The following NPIPB4 variants were observed in gnomAD, a reference collection of about 807,000 sequenced individuals.
The protein encoded by NPIPB4 is nuclear pore complex interacting protein family member B4.
For missense variants in NPIPB4, 105 were observed against 513.7 expected, an observed-to-expected ratio of 0.20 and a Z score of 7.69; for synonymous variants, 31 against 194.1, an observed-to-expected ratio of 0.16 and a Z score of 6.99.
rs564761750 is a variant in NPIPB4, at chr16:21,840,474, G to A, written c.546-1164C>T. Reference sequence around the variant, plus strand: ...ATGCACACACATGATCCACCAGCCCGTGTGGGATTCCCTCTGCCCTTCTGG... The same window carrying A: ...ATGCACACACATGATCCACCAGCCCATGTGGGATTCCCTCTGCCCTTCTGG... On this transcript the variant is annotated intron_variant, in intron 5 of 7. Transcript: ENST00000682606. 6.1e-4 allele frequency among the ~76,000 whole-genome samples: 91 copies of A among 149,170 alleles called. 2 individuals are homozygous for A. Among genetic ancestry groups the A allele is most frequent in the South Asian group, 3.7e-3 (17 of 4,610 alleles).
At chr16:21,850,518 C>G (rs1478131121) in intron 2 of NPIPB4, among the ~76,000 whole-genome samples, 1 of 151,528 alleles carries the variant, frequency 6.6e-6, no homozygotes, top group African/African-American at 2.4e-5. Context: ...GCGTGGTGGT[C>G]TACTAAAAAT....
At chr16:21,851,276 GA>G in intron 2 of NPIPB4, 1 of 235,248 alleles carries the variant, frequency 4.3e-6, no homozygotes, top group South Asian at 3.9e-5. Context: ...AGGGGGAGGG[GA>G]GGGGGAGGGG....
chr16:21,836,523 C>T lies in NPIPB4; in HGVS notation c.1864G>A (p.Ala622Thr), dbSNP rs1457750430. 1.4e-6 allele frequency: 2 copies of T among 1,411,286 alleles called. No individual in the cohort carries two copies. Among genetic ancestry groups the T allele is most frequent in the Non-Finnish European group, 9.3e-7 (1 of 1,076,152 alleles). 87.4% of individuals were successfully genotyped at this position (1,411,286 alleles called of 1,614,324 possible). The change falls in exon 8 of 8, where the codon GCC becomes ACC. Residue 622 changes from alanine to threonine, a missense_variant. Physicochemically the swap from Ala to Thr is moderately conservative, Grantham distance 58. Transcript: ENST00000682606. ...ATTATCATCCGCTGAGGGTGGAAGGCAGGTGTCTTGATGTTATCATCTGCT... is the reference window on the plus strand; with the variant it reads ...ATTATCATCCGCTGAGGGTGGAAGGTAGGTGTCTTGATGTTATCATCTGCT... ...PSADDNIKTP[A>T]FHPQRMIISR...
chr16:21,843,119 T>C (rs1597913645), intron 5 of NPIPB4, among the ~76,000 whole-genome samples: 1 of 106,934 alleles, frequency 9.4e-6, no homozygotes, highest in African/African-American at 3.6e-5. Flanking sequence ...CAAAGCTCCA[T>C]CTCAGGAAAA....
At chr16:21,839,979 G>C in intron 5 of NPIPB4, 1 of 13,050 alleles carries the variant, frequency 7.7e-5, no homozygotes, top group South Asian at 6.3e-4. Flanking sequence ...TTATAAACAG[G>C]CATAGTCCTT....
At chr16:21,843,189 GA>G (rs1901962088) in intron 5 of NPIPB4, among the ~76,000 whole-genome samples, 196 bp downstream of exon 5, 1 of 127,812 alleles carries the variant, frequency 7.8e-6, no homozygotes, top group African/African-American at 2.9e-5. Flanking sequence ...CTCTTCCTCC[GA>G]AAAAATGAAA....
chr16:21,850,087 C>A (rs1033303370), intron 2 of NPIPB4, among the ~76,000 whole-genome samples: 2 of 97,764 alleles, frequency 2.0e-5, no homozygotes, highest in African/African-American at 3.5e-5. Flanking sequence ...CATGGAGAAA[C>A]CCTATCTCTA....
At chr16:21,840,691 T>C (rs1901693355) in intron 5 of NPIPB4, 1 of 450,198 alleles carries the variant, frequency 2.2e-6, no homozygotes, top group Non-Finnish European at 2.9e-6. Context: ...TATTCTTTAG[T>C]AAATATAAAG....
At chr16:21,850,669 CTA>C (rs1902447307) in intron 2 of NPIPB4, among the ~76,000 whole-genome samples, 1 of 2,036 alleles carries the variant, frequency 4.9e-4, no homozygotes, top group African/African-American at 4.7e-3. Flanking sequence ...GAGACTCTGT[CTA>C]AAAAAAAAAA....
In NPIPB4 at chr16:21,846,015, A is replaced by G. The variant is rs941277381; in HGVS notation, c.249+1398T>C. 3.6e-5 allele frequency among the ~76,000 whole-genome samples: 5 copies of G among 138,484 alleles called. 1 individual carries two copies. The highest frequency in any genetic ancestry group is 7.7e-5 in the Non-Finnish European group (5 of 65,324). The allele number at this position is 138,484 out of a possible 152,430, so 90.9% of individuals were successfully genotyped here. On this transcript the variant is annotated intron_variant, in intron 3 of 7. Transcript: ENST00000682606. ...CATGGTAAAACCCCGACTCTACTAA[A>G]AATACAAAAATTAGCTGGGCATGGT...
At chr16:21,840,479 G>C (rs1218416898) in intron 5 of NPIPB4, among the ~76,000 whole-genome samples, 2 of 149,176 alleles carry the variant, frequency 1.3e-5, no homozygotes, top group Non-Finnish European at 3.0e-5. Context: ...AGCCCGTGTG[G>C]GATTCCCTCT....
At chr16:21,847,046 CAG>C (rs1902137089) in intron 3 of NPIPB4, among the ~76,000 whole-genome samples, 1 of 1,720 alleles carries the variant, frequency 5.8e-4, no homozygotes, top group East Asian at 3.8e-3. Flanking sequence ...AGTGAATCTT[CAG>C]AGAGGAGATT....
chr16:21,848,192 TTTTTTG>T lies in NPIPB4; in HGVS notation c.121-657_121-652del, dbSNP rs1372151313. Among the ~76,000 whole-genome samples the T allele has an allele frequency of 9.3e-5, 13 of 139,384 alleles. No individual in the cohort carries two copies. In the South Asian group the frequency reaches 1.0e-3, roughly 11 times the overall value. The allele number at this position is 139,384 out of a possible 152,430, so 91.4% of individuals were successfully genotyped here. ...GGTGTGAGCCACCGTGCCCAGCCAT[TTTTTTG>T]TTTTTGTTTTTGTTTGTTGTTTTTG... On this transcript the variant is annotated intron_variant, in intron 2 of 7. Coordinates refer to ENST00000682606, the MANE Select transcript of NPIPB4 (RefSeq NM_001384980.1).
Position 21,836,568 on chromosome 16 carries a change from G to A in NPIPB4, c.1819C>T (p.Pro607Ser), listed in dbSNP as rs549560857. ...TCTGCTGAGGGTGGAGCTGAGGGTG[G>A]AAGGGGAGTGAGCTGACGCTCGGAA... ...TPSERQLTPLPPSAPPSADDN... is the reference protein window; with the variant it reads ...TPSERQLTPLSPSAPPSADDN... The change falls in exon 8 of 8, where the codon CCA becomes TCA. Residue 607 changes from proline to serine, a missense_variant. Transcript: ENST00000682606. The A allele has an allele frequency of 3.1e-6, 4 of 1,276,700 alleles. No individual in the cohort carries two copies. In the Admixed American group the frequency reaches 6.9e-5, roughly 22 times the overall value. 79.1% of individuals were successfully genotyped at this position (1,276,700 alleles called of 1,614,324 possible).
chr16:21,837,335 G>T lies in NPIPB4; in HGVS notation c.1052C>A (p.Pro351Gln). The T allele has an allele frequency of 5.3e-6, 7 of 1,331,790 alleles. 2 individuals carry two copies. Among genetic ancestry groups the T allele is most frequent in the Non-Finnish European group, 6.6e-6 (7 of 1,059,928 alleles). 82.5% of individuals were successfully genotyped at this position (1,331,790 alleles called of 1,614,324 possible). ...TPPECLLTPL[P>Q]PSALPSAPPS... The stretch of plus-strand genomic sequence containing the variant: ...TGGAGCTGAGGGTAGAGCTGAGGGT[G>T]GAAGGGGAGTGAGCAGACACTCGGG... The change falls in exon 8 of 8, where the codon CCA (proline) becomes CAA (glutamine). Residue 351 changes from proline (P) to glutamine (Q), a missense_variant. Pro to Gln is a moderately conservative substitution (Grantham distance 76, BLOSUM62 -1). Coordinates refer to ENST00000682606, the MANE Select transcript of NPIPB4 (RefSeq NM_001384980.1).
chr16:21,842,009 G>T (rs972191403), intron 5 of NPIPB4, among the ~76,000 whole-genome samples: 1 of 151,546 alleles, frequency 6.6e-6, no homozygotes, highest in African/African-American at 2.4e-5. Flanking sequence ...CTGCACCGAC[G>T]ACTTCAATTG....
At chr16:21,850,677 A>G (rs1902450348) in intron 2 of NPIPB4, among the ~76,000 whole-genome samples, 2 of 119,680 alleles carry the variant, frequency 1.7e-5, no homozygotes, top group Non-Finnish European at 3.4e-5. Flanking sequence ...GTCTAAAAAA[A>G]AAAAAAAAAA....
At position 21,836,466 on chromosome 16, in the gene NPIPB4, G is replaced by A. The variant is rs775478686; in HGVS notation, c.1921C>T (p.Pro641Ser). The change falls in exon 8 of 8, where the codon CCC becomes TCC. Residue 641 changes from proline to serine, a missense_variant. By Grantham distance (74) the Pro-to-Ser change is moderately conservative. Transcript: ENST00000682606. ...SRHLPSVSSL[P>S]FHPQLHPQQM... ...TGAGGGTGGAGCTGAGGGTGGAAGGGGAGTGAGCTGACGCTCGGAAGGTGT... is the reference window on the plus strand; with the variant it reads ...TGAGGGTGGAGCTGAGGGTGGAAGGAGAGTGAGCTGACGCTCGGAAGGTGT... 6.4e-6 allele frequency: 9 copies of A among 1,396,952 alleles called. No homozygotes were observed. The highest frequency in any genetic ancestry group is 1.3e-5 in the South Asian group (1 of 79,616). 86.5% of individuals were successfully genotyped at this position (1,396,952 alleles called of 1,614,324 possible).
At chr16:21,840,589 C>T (rs1901682659) in intron 5 of NPIPB4, among the ~76,000 whole-genome samples, 1 of 146,428 alleles carries the variant, frequency 6.8e-6, no homozygotes, top group Non-Finnish European at 1.5e-5. Flanking sequence ...GAATTGACAC[C>T]TCCCATTGAG....
Sources: gnomAD v4.1 joint callset for allele counts (sites outside exome capture counted in the v4.1 genomes callset) on GRCh38, gnomAD v4.1.1 for gene constraint, MANE v1.5 for transcripts, NCBI Gene and HGNC (gene_info 2026-07-23, HGNC 2026-07-21) for gene names.